ATG10: variants seen among roughly 807,000 people sequenced by gnomAD.
The protein encoded by ATG10 is ubiquitin-like-conjugating enzyme ATG10.
A neutral mutation model predicts 32.1 loss-of-function variants in ATG10; 30 were observed. The ratio of observed to expected loss-of-function variants is 0.94; its 90% CI spans 0.70 to 1.27. The LOEUF (loss-of-function observed/expected upper bound fraction) is 1.27. Among genes scored for constraint, ATG10 ranks in the 50% most tolerant of loss-of-function variants. ATG10 has a pLI of 0.00. For synonymous variants in ATG10, 87 were observed against 91.5 expected (o/e 0.95, Z 0.28); for missense variants, 233 against 262.3 (o/e 0.89, Z 0.77).
chr5:82,108,083 G>T (rs1765495637), intron 3 of ATG10, among the ~76,000 whole-genome samples: 1 of 151,988 alleles, frequency 6.6e-6, no homozygotes, highest in African/African-American at 2.4e-5. Flanking sequence ...TGAAATCCGT[G>T]CTAAGTGCTT....
intron 2 of ATG10, among the ~76,000 whole-genome samples, chr5:82,002,033 G>A (rs559036749): frequency 2.6e-5 from 4 of 152,158 alleles, no homozygotes; most frequent in African/African-American, 9.6e-5. Flanking sequence ...AAGCATATGA[G>A]GAAACACTCA....
At chr5:82,225,532 C>T (rs1237851924) in intron 5 of ATG10, among the ~76,000 whole-genome samples, 1 of 152,208 alleles carries the variant, frequency 6.6e-6, no homozygotes, top group Non-Finnish European at 1.5e-5. Flanking sequence ...CATCTAGCTG[C>T]TGCTTTGTAG....
chr5:81,979,060 T>G (rs1403930864), intron 1 of ATG10, among the ~76,000 whole-genome samples: 1 of 152,098 alleles, frequency 6.6e-6, no homozygotes, highest in African/African-American at 2.4e-5. Flanking sequence ...TCACTGCACC[T>G]GGCTAATTTT....
At chr5:82,174,331 G>GTGTACTTACACT (rs1743926544) in intron 4 of ATG10, among the ~76,000 whole-genome samples, 1 of 152,138 alleles carries the variant, frequency 6.6e-6, no homozygotes, top group South Asian at 2.1e-4. Flanking sequence ...TACAGTGTAA[G>GTGTACTTACACT]TGGTCAGCAG....
intron 3 of ATG10, among the ~76,000 whole-genome samples, chr5:82,133,406 T>A (rs1766618206): frequency 1.3e-5 from 2 of 152,128 alleles, no homozygotes; most frequent in South Asian, 2.1e-4. Context: ...TTGCATAACG[T>A]GTAAGGAAAG....
At chr5:82,244,003 A>G (rs1746915403) in intron 5 of ATG10, among the ~76,000 whole-genome samples, 1 of 152,190 alleles carries the variant, frequency 6.6e-6, no homozygotes, top group Non-Finnish European at 1.5e-5. Flanking sequence ...AAAGACACAT[A>G]TGGTAGGGAC....
chr5:82,128,922 A>G (rs949489352), intron 3 of ATG10, among the ~76,000 whole-genome samples: 18 of 151,012 alleles, frequency 1.2e-4, no homozygotes, highest in African/African-American at 4.4e-4. Context: ...TAGGTTGGGG[A>G]TGTTCTTCTG....
chr5:82,086,441 G>T (rs184817171), intron 3 of ATG10, among the ~76,000 whole-genome samples: 1 of 152,156 alleles, frequency 6.6e-6, no homozygotes, highest in Non-Finnish European at 1.5e-5. Flanking sequence ...TGGCACCTCA[G>T]TTGGGATGAG....
intron 5 of ATG10, among the ~76,000 whole-genome samples, chr5:82,182,987 C>T (rs1159378633): frequency 6.6e-6 from 1 of 151,970 alleles, no homozygotes; most frequent in Admixed American, 6.6e-5. Flanking sequence ...TCAAGTGATC[C>T]TCCTGCCTTG....
intron 3 of ATG10, among the ~76,000 whole-genome samples, chr5:82,141,062 A>T (rs1461981985): frequency 8.2e-6 from 1 of 122,622 alleles, no homozygotes; most frequent in Non-Finnish European, 1.7e-5. Flanking sequence ...CCCTAATCTC[A>T]AGTAATCAGG....
At position 82,255,007 on chromosome 5, in the gene ATG10, G is replaced by A. The variant is rs1275600604; in HGVS notation, c.*944G>A. ...AGATAATATGTTTTACCAGCAAAGTGTGGCATAGTAATTAGAAGTTTTCTA... is the reference window on the plus strand; with the variant it reads ...AGATAATATGTTTTACCAGCAAAGTATGGCATAGTAATTAGAAGTTTTCTA... On this transcript the variant is annotated 3_prime_UTR_variant, in exon 8 of 8. Coordinates refer to ENST00000282185, the MANE Select transcript of ATG10 (RefSeq NM_031482.5). 1.3e-5 allele frequency: 2 copies of A among 152,116 alleles called. No individual in the cohort carries two copies. Among genetic ancestry groups the A allele is most frequent in the Non-Finnish European group, 2.9e-5 (2 of 68,022 alleles). The allele number at this position is 152,116 out of a possible 1,614,324, so 9.4% of individuals were successfully genotyped here.
chr5:82,231,515 C>T (rs1459615076), intron 5 of ATG10, among the ~76,000 whole-genome samples: 6 of 152,128 alleles, frequency 3.9e-5, no homozygotes, highest in African/African-American at 7.2e-5. Flanking sequence ...TTTCTCAATA[C>T]GGCAGCCTAT....
intron 5 of ATG10, among the ~76,000 whole-genome samples, chr5:82,217,649 A>G (rs941239418): frequency 2.6e-5 from 4 of 151,958 alleles, no homozygotes; most frequent in African/African-American, 4.8e-5. Context: ...TTACACAGGC[A>G]ACATGCTTTA....
chr5:81,978,179 C>G (rs945943098), intron 1 of ATG10, among the ~76,000 whole-genome samples: 1 of 152,110 alleles, frequency 6.6e-6, no homozygotes, highest in African/African-American at 2.4e-5. Flanking sequence ...ATGCAATTCT[C>G]CTGCCTCAGC....
intron 3 of ATG10, among the ~76,000 whole-genome samples, chr5:82,117,555 G>T (rs541774272): frequency 6.6e-6 from 1 of 152,030 alleles, no homozygotes; most frequent in Non-Finnish European, 1.5e-5. Context: ...GACCTTACTT[G>T]AGCTATCTCC....
chr5:82,233,151 T>G (rs1289084282), intron 5 of ATG10, among the ~76,000 whole-genome samples: 1 of 152,238 alleles, frequency 6.6e-6, no homozygotes, highest in Non-Finnish European at 1.5e-5. Context: ...TTCAGGTATA[T>G]TTTCTTCATT....
At chr5:82,178,715 TCAAAGA>T in intron 5 of ATG10, 128 bp downstream of exon 5, 1 of 581,050 alleles carries the variant, frequency 1.7e-6, no homozygotes, top group Non-Finnish European at 2.9e-6. Flanking sequence ...ATATTTCACC[TCAAAGA>T]CAGTTTCCTT....
At chr5:82,116,820 A>C (rs1162073673) in intron 3 of ATG10, among the ~76,000 whole-genome samples, 1 of 152,100 alleles carries the variant, frequency 6.6e-6, no homozygotes, top group African/African-American at 2.4e-5. Flanking sequence ...ACCAGGGTAA[A>C]ACATCATATG....
chr5:82,064,705 T>C (rs1763885618), intron 3 of ATG10, among the ~76,000 whole-genome samples: 1 of 152,042 alleles, frequency 6.6e-6, no homozygotes, highest in South Asian at 2.1e-4. Flanking sequence ...AGAAAACTCT[T>C]ATGACAATAG....
Sources: allele counts gnomAD v4.1 joint callset (sites outside exome capture counted in the v4.1 genomes callset), GRCh38; gene constraint gnomAD v4.1.1; transcripts MANE v1.5; gene names NCBI Gene and HGNC (gene_info 2026-07-23, HGNC 2026-07-21).